The following PGD variants were observed in gnomAD, a reference collection of about 807,000 sequenced individuals.
PGD encodes 6-phosphogluconate dehydrogenase, decarboxylating.
In PGD, 21 loss-of-function variants were observed where a neutral mutation model predicts 60.4. The observed-to-expected ratio is 0.35, with a 90% CI of 0.25 to 0.50. The LOEUF (loss-of-function observed/expected upper bound fraction) is 0.50, where lower values mean the gene tolerates loss of function less well. Among genes scored for constraint, PGD ranks in the 20% least tolerant of loss-of-function variants. The pLI is 0.98. For synonymous variants in PGD, 230 were observed against 235.9 expected (o/e 0.97, Z 0.23); for missense variants, 477 against 613.1 (o/e 0.78, Z 2.34).
Position 10,399,111 on chromosome 1 carries a change from C to T in PGD, c.-7C>T, listed in dbSNP as rs545944696. The T allele has an allele frequency of 1.9e-6, 3 of 1,609,818 alleles. No homozygotes were observed. The highest frequency in any genetic ancestry group is 2.2e-5 in the East Asian group (1 of 44,854). The stretch of plus-strand genomic sequence containing the variant: ...CGCCGCTCTTCGGTTCTGCTCTGTC[C>T]GCCGCCATGGCCCAGTGAGTGACTC... On this transcript the variant is annotated 5_prime_UTR_variant, in exon 1 of 13. Coordinates refer to ENST00000270776, the MANE Select transcript of PGD (RefSeq NM_002631.4).
Position 10,400,522 on chromosome 1 carries a change from A to T in PGD, c.214A>T (p.Ile72Phe), listed in dbSNP as rs758297636. 3.1e-6 allele frequency: 5 copies of T among 1,614,004 alleles called. No individual in the cohort carries two copies. The highest frequency in any genetic ancestry group is 1.3e-5 in the African/African-American group (1 of 74,932). ...CAAGCTGAAGAAGCCCCGGCGGATC[A>T]TCCTCCTGGTGAAGGCTGGGCAAGC... ...VSKLKKPRRI[I>F]LLVKAGQAVD... Residue 72 changes from isoleucine (I) to phenylalanine (F), a missense_variant, in exon 3 of 13, where the codon ATC becomes TTC. Ile to Phe is a conservative substitution (Grantham distance 21, BLOSUM62 0). This residue lies in a region of PGD where 431 missense variants were observed against 556.6 expected (regional missense o/e 0.77). Transcript: ENST00000270776.
intron 3 of PGD, among the ~76,000 whole-genome samples, chr1:10,402,029 ATTAAT>A (rs996755204): frequency 3.6e-5 from 5 of 140,512 alleles, no homozygotes; most frequent in African/African-American, 1.4e-4. Context: ...AAATAAATAA[ATTAAT>A]TAATTAATTA....
At chr1:10,417,211 G>A in intron 9 of PGD, 94 bp downstream of exon 9, 2 of 1,495,718 alleles carry the variant, frequency 1.3e-6, no homozygotes, top group Non-Finnish European at 1.8e-6. Flanking sequence ...GCCACAGGAT[G>A]GCAGGTGGAA....
At chr1:10,400,912 C>T (rs1239298068) in intron 3 of PGD, among the ~76,000 whole-genome samples, 1 of 151,796 alleles carries the variant, frequency 6.6e-6, no homozygotes, top group Non-Finnish European at 1.5e-5. Context: ...GGCAACATGG[C>T]GAAACCCTGT....
Position 10,399,112 on chromosome 1 carries a change from G to A in PGD, c.-6G>A. Reference sequence around the variant, plus strand: ...GCCGCTCTTCGGTTCTGCTCTGTCCGCCGCCATGGCCCAGTGAGTGACTCG... The same window carrying A: ...GCCGCTCTTCGGTTCTGCTCTGTCCACCGCCATGGCCCAGTGAGTGACTCG... On this transcript the variant is annotated 5_prime_UTR_variant, in exon 1 of 13. Coordinates refer to ENST00000270776, the MANE Select transcript of PGD (RefSeq NM_002631.4). 1.9e-6 allele frequency: 3 copies of A among 1,609,594 alleles called. No individual in the cohort carries two copies. Among genetic ancestry groups the A allele is most frequent in the Non-Finnish European group, 2.5e-6 (3 of 1,179,660 alleles).
chr1:10,400,634 A>G (rs1015184626), intron 3 of PGD, 62 bp downstream of exon 3: 1 of 1,321,340 alleles, frequency 7.6e-7, no homozygotes, highest in South Asian at 1.4e-5. Flanking sequence ...TTCTTCCTTT[A>G]GTTCTCCTTC....
intron 8 of PGD, among the ~76,000 whole-genome samples, chr1:10,414,503 T>G (rs1402552133): frequency 6.6e-6 from 1 of 151,726 alleles, no homozygotes; most frequent in Non-Finnish European, 1.5e-5. Flanking sequence ...GCCTCCCGAG[T>G]AGCTGGGATT....
intron 7 of PGD, among the ~76,000 whole-genome samples, chr1:10,412,066 C>A (rs760412332): frequency 3.3e-5 from 5 of 152,204 alleles, no homozygotes; most frequent in Non-Finnish European, 7.4e-5. Flanking sequence ...CCTGTACTTG[C>A]TTTAGCAATG....
chr1:10,411,648 T>C, intron 7 of PGD, 96 bp downstream of exon 7: 1 of 1,397,428 alleles, frequency 7.2e-7, no homozygotes, highest in Non-Finnish European at 9.9e-7. Flanking sequence ...CCCTTGGCCA[T>C]TCGGGTGGCC....
In PGD at chr1:10,400,390, T is replaced by G; in HGVS notation, c.85-3T>G. The G allele has an allele frequency of 6.2e-7, 1 of 1,610,798 alleles. No homozygotes were observed. Among genetic ancestry groups the G allele is most frequent in the Non-Finnish European group, 8.5e-7 (1 of 1,177,626 alleles). ...CTCCTACTCAGGACTTTTGTCCTTC[T>G]AGGTCTGTGCTTTTAATAGGACTGT... On this transcript the variant is annotated splice_region_variant and splice_polypyrimidine_tract_variant and intron_variant, in intron 2 of 12. Coordinates refer to ENST00000270776, the MANE Select transcript of PGD (RefSeq NM_002631.4).
chr1:10,412,754 G>C (rs1639520063), intron 7 of PGD: 2 of 263,838 alleles, frequency 7.6e-6, no homozygotes, highest in African/African-American at 2.1e-5. Context: ...ACTGGGACAA[G>C]ATCCGGTGAT....
intron 7 of PGD, 121 bp downstream of exon 7, chr1:10,411,673 C>A: frequency 9.1e-7 from 1 of 1,094,730 alleles, no homozygotes; most frequent in Non-Finnish European, 1.3e-6. Flanking sequence ...TGGACTCAGC[C>A]TAATTTGAGG....
At chr1:10,415,318 T>C in intron 8 of PGD, 1 of 152,398 alleles carries the variant, frequency 6.6e-6, no homozygotes, top group Non-Finnish European at 1.5e-5. Flanking sequence ...TTAGCCGATC[T>C]GAGCCATAAC....
At chr1:10,404,616 C>A (rs561858115) in intron 5 of PGD, among the ~76,000 whole-genome samples, 1 of 151,906 alleles carries the variant, frequency 6.6e-6, no homozygotes, top group East Asian at 1.9e-4. Flanking sequence ...TCTTGTGCGT[C>A]AGCCTCCTGA....
chr1:10,406,569 G>C (rs1282210845), intron 5 of PGD, among the ~76,000 whole-genome samples: 3 of 152,130 alleles, frequency 2.0e-5, no homozygotes, highest in Non-Finnish European at 4.4e-5. Context: ...TTACCAGAAG[G>C]ACACTGTAAA....
intron 7 of PGD, 132 bp downstream of exon 7, chr1:10,411,684 GA>G (rs1218303144): frequency 1.1e-6 from 1 of 930,190 alleles, no homozygotes; most frequent in East Asian, 2.6e-5. Flanking sequence ...TAATTTGAGG[GA>G]AACTGTTAGT....
chr1:10,419,271 C>G lies in PGD; in HGVS notation c.1210-146C>G. 2.8e-6 allele frequency: 3 copies of G among 1,064,686 alleles called. No homozygotes were observed. The South Asian group carries it at 4.5e-5, about 16-fold the overall frequency. 66.0% of individuals were successfully genotyped at this position (1,064,686 alleles called of 1,614,324 possible). A position where few individuals can be genotyped will look rare whatever the true frequency, so the allele number is the denominator to read the frequency against. On this transcript the variant is annotated intron_variant, in intron 11 of 12. Coordinates refer to ENST00000270776, the MANE Select transcript of PGD (RefSeq NM_002631.4). ...TGACCTCGTGATCCGCCCACCTCAG[C>G]CTTCCAAAGTGCTGGGATGACAGGC...
chr1:10,412,643 T>C (rs1024819196), intron 7 of PGD, among the ~76,000 whole-genome samples: 1 of 152,162 alleles, frequency 6.6e-6, no homozygotes, highest in African/African-American at 2.4e-5. Flanking sequence ...GATATACTAG[T>C]GAAGAAAGCA....
At chr1:10,413,997 AG>A (rs1318361774) in intron 8 of PGD, among the ~76,000 whole-genome samples, 1 of 152,192 alleles carries the variant, frequency 6.6e-6, no homozygotes, top group African/African-American at 2.4e-5. Flanking sequence ...CAGAGGTTGC[AG>A]TGAGCCAAGA....
Sources: allele counts gnomAD v4.1 joint callset (sites outside exome capture counted in the v4.1 genomes callset), GRCh38; gene constraint gnomAD v4.1.1; regional missense constraint gnomAD v4.1.1; transcripts MANE v1.5; gene names NCBI Gene and HGNC (gene_info 2026-07-23, HGNC 2026-07-21).